Variants in TNFSF4 observed in about 807,000 individuals in gnomAD.
TNFSF4 encodes the protein TNF superfamily member 4.
In TNFSF4, 4 loss-of-function variants were observed where a neutral mutation model predicts 7.3. The observed-to-expected ratio is 0.55, with a 90% CI of 0.27 to 1.25. The LOEUF (loss-of-function observed/expected upper bound fraction) is 1.25, where lower values mean the gene tolerates loss of function less well. Among genes scored for constraint, TNFSF4 ranks in the 50% most tolerant of loss-of-function variants. TNFSF4 has a pLI of 0.12. For synonymous variants in TNFSF4, 76 were observed against 83.7 expected, an observed-to-expected ratio of 0.91 and a Z score of 0.50; for missense variants, 181 against 208.8, an observed-to-expected ratio of 0.87 and a Z score of 0.82.
the TNFSF4 span, among the ~76,000 whole-genome samples, chr1:173,269,957 G>C: frequency 6.6e-6 from 1 of 152,094 alleles, no homozygotes; most frequent in Non-Finnish European, 1.5e-5. Context: ...ATTGCAATAA[G>C]GATAATGATG....
At chr1:173,354,044 A>G in the TNFSF4 span, among the ~76,000 whole-genome samples, 1 of 152,130 alleles carries the variant, frequency 6.6e-6, no homozygotes, top group Non-Finnish European at 1.5e-5. Flanking sequence ...CAAAAGGTCA[A>G]CAAATCTAGG....
chr1:173,238,187 G>A, the TNFSF4 span, among the ~76,000 whole-genome samples: 2 of 152,074 alleles, frequency 1.3e-5, no homozygotes, highest in Non-Finnish European at 2.9e-5. Flanking sequence ...AATGGTGCTG[G>A]GAAAACAGCC....
chr1:173,267,267 C>T, the TNFSF4 span, among the ~76,000 whole-genome samples: 1 of 152,230 alleles, frequency 6.6e-6, no homozygotes, highest in Non-Finnish European at 1.5e-5. Context: ...CCCAACATAC[C>T]TTTGCCAGGC....
At chr1:173,247,740 T>C in the TNFSF4 span, among the ~76,000 whole-genome samples, 1 of 152,212 alleles carries the variant, frequency 6.6e-6, no homozygotes, top group Non-Finnish European at 1.5e-5. Flanking sequence ...TTTGAAAACT[T>C]GATCCTACTT....
At chr1:173,267,689 C>T in the TNFSF4 span, among the ~76,000 whole-genome samples, 1 of 152,064 alleles carries the variant, frequency 6.6e-6, no homozygotes, top group Non-Finnish European at 1.5e-5. Context: ...GCCAGGGCTA[C>T]AGTCATTTGA....
intron 2 of TNFSF4, among the ~76,000 whole-genome samples, chr1:173,187,643 C>G (rs1433992328): frequency 6.6e-6 from 1 of 152,156 alleles, no homozygotes; most frequent in Non-Finnish European, 1.5e-5. Context: ...GCTAGTTTTT[C>G]CCGGAAGGTA....
At chr1:173,238,138 A>G in the TNFSF4 span, among the ~76,000 whole-genome samples, 1 of 152,220 alleles carries the variant, frequency 6.6e-6, no homozygotes, top group East Asian at 1.9e-4. Context: ...GACAAAGGTG[A>G]CAAAAACAAG....
chr1:173,293,252 G>A, the TNFSF4 span, among the ~76,000 whole-genome samples: 14 of 151,850 alleles, frequency 9.2e-5, no homozygotes, highest in African/African-American at 3.4e-4. Context: ...GCATAGTATT[G>A]GTATTTAATA....
the TNFSF4 span, among the ~76,000 whole-genome samples, chr1:173,439,914 C>T: frequency 6.6e-6 from 1 of 152,288 alleles, no homozygotes; most frequent in African/African-American, 2.4e-5. Flanking sequence ...GTTTTAATAA[C>T]GTGGTTAACA....
At chr1:173,320,053 C>G in the TNFSF4 span, among the ~76,000 whole-genome samples, 2 of 152,168 alleles carry the variant, frequency 1.3e-5, no homozygotes, top group East Asian at 3.8e-4. Flanking sequence ...AGGCCAATAT[C>G]CCTGATGAAC....
At chr1:173,367,448 T>C in the TNFSF4 span, among the ~76,000 whole-genome samples, 1 of 152,160 alleles carries the variant, frequency 6.6e-6, no homozygotes, top group African/African-American at 2.4e-5. Context: ...GTAAAATACA[T>C]AAATACCTCC....
the TNFSF4 span, among the ~76,000 whole-genome samples, chr1:173,330,324 GTATAT>G: frequency 6.7e-6 from 1 of 149,710 alleles, no homozygotes; most frequent in Non-Finnish European, 1.5e-5. Flanking sequence ...AATATTAATG[GTATAT>G]TATATATTGT....
the TNFSF4 span, among the ~76,000 whole-genome samples, chr1:173,384,645 G>A: frequency 2.3e-4 from 35 of 152,036 alleles, no homozygotes; most frequent in Non-Finnish European, 2.4e-4. Context: ...GATTCTGGAA[G>A]TGCTACTGCA....
the TNFSF4 span, among the ~76,000 whole-genome samples, chr1:173,370,094 A>G: frequency 1.2e-4 from 19 of 152,188 alleles, no homozygotes; most frequent in African/African-American, 2.6e-4. Context: ...CCGAGTACAT[A>G]TCCCCTTCTC....
At chr1:173,412,396 G>A in the TNFSF4 span, among the ~76,000 whole-genome samples, 38,772 of 152,066 alleles carry the variant, frequency 0.25, 5,831 homozygotes, top group East Asian at 0.45. Flanking sequence ...ATTAACTTGC[G>A]CATGATCTCA....
At chr1:173,433,477 T>C in the TNFSF4 span, among the ~76,000 whole-genome samples, 2 of 152,204 alleles carry the variant, frequency 1.3e-5, no homozygotes, top group South Asian at 4.2e-4. Context: ...GGTGGAACTC[T>C]TGAGTCCAGG....
the TNFSF4 span, among the ~76,000 whole-genome samples, chr1:173,274,584 C>G: frequency 4.6e-5 from 7 of 152,074 alleles, no homozygotes; most frequent in Non-Finnish European, 1.0e-4. Flanking sequence ...TTCCCTGATT[C>G]TATTACCTTA....
the TNFSF4 span, among the ~76,000 whole-genome samples, chr1:173,400,650 T>C: frequency 2.0e-5 from 3 of 152,202 alleles, no homozygotes; most frequent in Non-Finnish European, 4.4e-5. Flanking sequence ...GTGATTGATC[T>C]TTACTCCCAA....
chr1:173,263,797 G>A, the TNFSF4 span, among the ~76,000 whole-genome samples: 1 of 152,182 alleles, frequency 6.6e-6, no homozygotes. Context: ...CCCAAGGAGA[G>A]CCATAGCCTT....
Sources: gnomAD v4.1 joint callset for allele counts (sites outside exome capture counted in the v4.1 genomes callset) on GRCh38, gnomAD v4.1.1 for gene constraint, MANE v1.5 for transcripts, NCBI Gene and HGNC (gene_info 2026-07-23, HGNC 2026-07-21) for gene names.